ATXN1: variants seen among roughly 807,000 people sequenced by gnomAD.
ATXN1 encodes the protein ataxin-1.
A neutral mutation model predicts 56.4 loss-of-function variants in ATXN1; 8 were observed. The observed-to-expected ratio is 0.14, with a 90% CI of 0.08 to 0.26. The LOEUF is 0.26. Among genes scored for constraint, ATXN1 ranks in the 10% least tolerant of loss-of-function variants. The pLI, the probability that ATXN1 is intolerant of heterozygous loss-of-function variation, is 1.00. For missense variants in ATXN1, 987 were observed against 1,106.5 expected (o/e 0.89, Z 1.53); for synonymous variants, 514 against 494.6 (o/e 1.04, Z -0.52).
chr6:16,603,416 A>T (rs1018216746), intron 3 of ATXN1, among the ~76,000 whole-genome samples: 3 of 152,108 alleles, frequency 2.0e-5, no homozygotes, highest in Non-Finnish European at 4.4e-5. Flanking sequence ...CCATTCTGTA[A>T]TAAAGTTCTC....
intron 6 of ATXN1, among the ~76,000 whole-genome samples, chr6:16,347,700 T>A (rs1761448859): frequency 6.6e-6 from 1 of 152,170 alleles, no homozygotes; most frequent in African/African-American, 2.4e-5. Context: ...AACCTTTGTG[T>A]CTAGCTCAGG....
intron 3 of ATXN1, among the ~76,000 whole-genome samples, chr6:16,644,582 G>A (rs999749161): frequency 3.3e-5 from 5 of 150,226 alleles, no homozygotes; most frequent in African/African-American, 1.2e-4. Flanking sequence ...GTGTGTGTGT[G>A]TGTGTATACA....
At chr6:16,509,305 T>C (rs146838550) in intron 5 of ATXN1, among the ~76,000 whole-genome samples, 222 of 152,304 alleles carry the variant, frequency 1.5e-3, no homozygotes, top group African/African-American at 4.9e-3. Context: ...GTTTCTTACC[T>C]GGCCTCCCTG....
At chr6:16,355,261 T>C (rs1761661534) in intron 6 of ATXN1, among the ~76,000 whole-genome samples, 1 of 152,212 alleles carries the variant, frequency 6.6e-6, no homozygotes, top group Non-Finnish European at 1.5e-5. Context: ...CAAACTTACA[T>C]ACAGAGCACC....
intron 3 of ATXN1, among the ~76,000 whole-genome samples, chr6:16,604,899 T>C (rs900286307): frequency 3.9e-5 from 6 of 152,122 alleles, no homozygotes; most frequent in African/African-American, 1.4e-4. Context: ...CACCTGGATT[T>C]TGGAAAAGAG....
At chr6:16,393,737 G>A (rs1388067141) in intron 6 of ATXN1, among the ~76,000 whole-genome samples, 1 of 152,098 alleles carries the variant, frequency 6.6e-6, no homozygotes, top group African/African-American at 2.4e-5. Context: ...TGCTTTTTAG[G>A]CCAGACGCAG....
intron 3 of ATXN1, among the ~76,000 whole-genome samples, chr6:16,613,036 C>A (rs1449603349): frequency 6.6e-6 from 1 of 151,306 alleles, no homozygotes; most frequent in Admixed American, 6.6e-5. Context: ...GAGGCCGAGG[C>A]GGGTGGATCA....
chr6:16,349,133 G>A (rs1370787834), intron 6 of ATXN1, among the ~76,000 whole-genome samples: 1 of 152,148 alleles, frequency 6.6e-6, no homozygotes, highest in African/African-American at 2.4e-5. Flanking sequence ...ACTGGCTGTG[G>A]TTGTTCCGAT....
chr6:16,438,043 G>T lies in ATXN1; in HGVS notation c.-161+47929C>A, dbSNP rs115272821. 6.2e-3 allele frequency among the ~76,000 whole-genome samples: 937 copies of T among 152,330 alleles called. 13 individuals are homozygous for T. The highest frequency in any genetic ancestry group is 0.021 in the African/African-American group (891 of 41,574). The stretch of plus-strand genomic sequence containing the variant: ...ATGAGGCTAGGGGTAGGGGGATCAG[G>T]CATTAGATTCTCATAAGGAAGGTAC... On this transcript the variant is annotated intron_variant, in intron 6 of 7. Coordinates refer to ENST00000436367, the MANE Select transcript of ATXN1 (RefSeq NM_001128164.2).
Position 16,585,798 on chromosome 6 carries a change from T to G in ATXN1, c.-379A>C, listed in dbSNP as rs966195374. 3.9e-5 allele frequency: 6 copies of G among 152,226 alleles called. No homozygotes were observed. The highest frequency in any genetic ancestry group is 8.8e-5 in the Non-Finnish European group (6 of 68,028). 9.4% of individuals were successfully genotyped at this position (152,226 alleles called of 1,614,324 possible). A position where few individuals can be genotyped will look rare whatever the true frequency, so the allele number is the denominator to read the frequency against. ...TGTTTACCTGTACCATGTGCTTTCA[T>G]CACAATGGAGAACCATAAGCTATCA... On this transcript the variant is annotated 5_prime_UTR_variant, in exon 4 of 8. The change abolishes an upstream ATG in the 5' untranslated region. Transcript: ENST00000436367.
At chr6:16,329,298 T>C (rs1760924822) in intron 6 of ATXN1, among the ~76,000 whole-genome samples, 1 of 152,076 alleles carries the variant, frequency 6.6e-6, no homozygotes, top group South Asian at 2.1e-4. Flanking sequence ...AGAACAGTCC[T>C]TGCACTCGAT....
chr6:16,573,020 T>A (rs1395023617), intron 4 of ATXN1, among the ~76,000 whole-genome samples: 1 of 152,166 alleles, frequency 6.6e-6, no homozygotes, highest in South Asian at 2.1e-4. Context: ...TTGAAAGATC[T>A]TCTAACACTG....
At chr6:16,704,498 A>G (rs1759364065) in intron 2 of ATXN1, among the ~76,000 whole-genome samples, 1 of 152,184 alleles carries the variant, frequency 6.6e-6, no homozygotes, top group African/African-American at 2.4e-5. Context: ...TTTAAAGTAT[A>G]AAAAACAGAT....
intron 7 of ATXN1, among the ~76,000 whole-genome samples, chr6:16,321,397 T>C (rs1202234589): frequency 6.6e-6 from 1 of 152,216 alleles, no homozygotes; most frequent in Non-Finnish European, 1.5e-5. Flanking sequence ...GCAGCAACTC[T>C]CTTCCAGGGT....
At chr6:16,426,317 G>T (rs1759153811) in intron 6 of ATXN1, among the ~76,000 whole-genome samples, 1 of 152,138 alleles carries the variant, frequency 6.6e-6, no homozygotes, top group South Asian at 2.1e-4. Flanking sequence ...GAGGACAGAA[G>T]GGTGAAGCCA....
chr6:16,523,716 G>A (rs1761338645), intron 4 of ATXN1, among the ~76,000 whole-genome samples: 1 of 152,164 alleles, frequency 6.6e-6, no homozygotes, highest in East Asian at 1.9e-4. Context: ...GGCGCTGGAG[G>A]CCACATATCA....
chr6:16,659,761 CTCTT>C (rs1169552105), intron 2 of ATXN1, among the ~76,000 whole-genome samples: 2 of 152,116 alleles, frequency 1.3e-5, no homozygotes, highest in East Asian at 3.8e-4. Context: ...TCATAGTACT[CTCTT>C]TCTGTTTTGT....
chr6:16,731,449 CTTTTCTTTTTTTTTT>C (rs1759977431), intron 2 of ATXN1, among the ~76,000 whole-genome samples: 1 of 41,076 alleles, frequency 2.4e-5, no homozygotes, highest in Non-Finnish European at 5.1e-5. Context: ...CTTTTTTTTT[CTTTTCTTTTTTTTTT>C]TTTTTTTTTT....
At position 16,545,242 on chromosome 6, in the gene ATXN1, T is replaced by C. The variant is rs145881995; in HGVS notation, c.-360-22554A>G. Among the ~76,000 whole-genome samples the C allele has an allele frequency of 3.1e-4, 47 of 152,344 alleles. 1 individual carries two copies. The highest frequency in any genetic ancestry group is 1.1e-3 in the African/African-American group (45 of 41,580). ...GTCCTCTTTGGTCTTACAGCGATCA[T>C]GAATGTTCCAGATTAATAGGAGATG... On this transcript the variant is annotated intron_variant, in intron 4 of 7. Coordinates refer to ENST00000436367, the MANE Select transcript of ATXN1 (RefSeq NM_001128164.2).
Sources: allele counts gnomAD v4.1 joint callset (sites outside exome capture counted in the v4.1 genomes callset), GRCh38; gene constraint gnomAD v4.1.1; transcripts MANE v1.5; gene names NCBI Gene and HGNC (gene_info 2026-07-23, HGNC 2026-07-21).